Variants in CD82 observed in about 807,000 individuals in gnomAD.
The protein encoded by CD82 is CD82 antigen.
In CD82, 36 loss-of-function variants were observed where a neutral mutation model predicts 37.4. The ratio of observed to expected loss-of-function variants is 0.96; its 90% CI spans 0.74 to 1.27. The LOEUF (loss-of-function observed/expected upper bound fraction) is 1.27. Among genes scored for constraint, CD82 ranks in the 50% most tolerant of loss-of-function variants. The probability of loss-of-function intolerance (pLI) is 0.00; values close to 1 mark genes in which losing one functional copy is unlikely to be tolerated. For synonymous variants in CD82, 158 were observed against 137.4 expected, an observed-to-expected ratio of 1.15 and a Z score of -1.05; for missense variants, 340 against 347.0, an observed-to-expected ratio of 0.98 and a Z score of 0.16.
At chr11:44,564,821 C>T (rs1057477061), upstream of CD82, among the ~76,000 whole-genome samples, 3 of 152,226 alleles carry the variant, frequency 2.0e-5, no homozygotes, top group Non-Finnish European at 4.4e-5. Flanking sequence ...AGGCTGGATC[C>T]CGCTCACGCC....
At chr11:44,603,489 CAG>C (rs1023743342) in intron 4 of CD82, among the ~76,000 whole-genome samples, 4 of 152,170 alleles carry the variant, frequency 2.6e-5, no homozygotes, top group African/African-American at 9.7e-5. Context: ...GGCTGTGCCT[CAG>C]TGCTTAGGGG....
At chr11:44,573,389 A>G (rs1395835482) in intron 1 of CD82, among the ~76,000 whole-genome samples, 1 of 152,206 alleles carries the variant, frequency 6.6e-6, no homozygotes, top group East Asian at 1.9e-4. Flanking sequence ...ATCATCGTAT[A>G]TAGAGGAAAT....
intron 1 of CD82, chr11:44,585,191 C>T (rs1179753555): frequency 4.4e-6 from 2 of 456,076 alleles, no homozygotes; most frequent in Admixed American, 4.7e-5. Flanking sequence ...GGAGCCTCTC[C>T]AGGATGGGCA....
intron 3 of CD82, chr11:44,596,739 G>C: frequency 8.1e-6 from 3 of 369,828 alleles, no homozygotes; most frequent in South Asian, 5.9e-5. Flanking sequence ...GGCTGGAGGA[G>C]GCAGAACGGG....
intron 1 of CD82, among the ~76,000 whole-genome samples, chr11:44,585,877 C>T (rs1853047130): frequency 6.6e-6 from 1 of 152,242 alleles, no homozygotes; most frequent in African/African-American, 2.4e-5. Context: ...CAAAGTTCTT[C>T]TCATGCACAG....
intron 1 of CD82, 159 bp downstream of exon 1, chr11:44,565,895 T>G (rs2134604668): frequency 6.6e-6 from 1 of 152,378 alleles, no homozygotes; most frequent in East Asian, 1.9e-4. Flanking sequence ...CCACCAGTCC[T>G]GAACCCCCAG....
At chr11:44,576,775 C>T (rs1048583607) in intron 1 of CD82, among the ~76,000 whole-genome samples, 3 of 152,168 alleles carry the variant, frequency 2.0e-5, no homozygotes, top group Non-Finnish European at 4.4e-5. Context: ...ACTTATTCTC[C>T]GTCCCTCAAG....
At chr11:44,586,544 T>G (rs947863088) in intron 1 of CD82, among the ~76,000 whole-genome samples, 1 of 152,140 alleles carries the variant, frequency 6.6e-6, no homozygotes, top group Non-Finnish European at 1.5e-5. Context: ...TGGTCCCAAC[T>G]CTATGGGAGG....
At chr11:44,615,146 G>A in intron 6 of CD82, 126 bp from the exon 7 acceptor site, 1 of 665,630 alleles carries the variant, frequency 1.5e-6, no homozygotes, top group African/African-American at 1.8e-5. Flanking sequence ...CAGGAAAGTG[G>A]CTGGAGCCAT....
At chr11:44,589,567 G>C (rs376442931) in intron 2 of CD82, among the ~76,000 whole-genome samples, 1 of 152,174 alleles carries the variant, frequency 6.6e-6, no homozygotes, top group East Asian at 1.9e-4. Flanking sequence ...CCCCAGCTCC[G>C]GGTCATTGAG....
chr11:44,613,333 T>C (rs777099386), intron 6 of CD82, among the ~76,000 whole-genome samples: 1 of 152,314 alleles, frequency 6.6e-6, no homozygotes, highest in Non-Finnish European at 1.5e-5. Flanking sequence ...CAGGCCTGCT[T>C]ATCGCCGAGG....
intron 2 of CD82, among the ~76,000 whole-genome samples, chr11:44,594,262 T>C (rs1451414530): frequency 6.6e-6 from 1 of 152,124 alleles, no homozygotes; most frequent in African/African-American, 2.4e-5. Flanking sequence ...GTCTCACCTC[T>C]GGGTCTCTGT....
intron 6 of CD82, 54 bp downstream of exon 6, chr11:44,605,483 T>C (rs1565092005): frequency 6.5e-7 from 1 of 1,533,990 alleles, no homozygotes; most frequent in South Asian, 1.1e-5. Context: ...ATGGGGGTGA[T>C]TGACTGAGTG....
intron 1 of CD82, chr11:44,573,061 T>A (rs60865046): frequency 0.36 from 54,470 of 152,192 alleles, 10,682 homozygotes; most frequent in African/African-American, 0.51. Context: ...TATGTGTCTC[T>A]AAGACGAACC....
At chr11:44,570,776 GGGCCACTCT>G (rs2134613903) in intron 1 of CD82, among the ~76,000 whole-genome samples, 1 of 152,314 alleles carries the variant, frequency 6.6e-6, no homozygotes, top group South Asian at 2.1e-4. Context: ...ACCCAGGAAG[GGGCCACTCT>G]GGCCTTTAGT....
chr11:44,571,683 T>C (rs972174411), intron 1 of CD82, among the ~76,000 whole-genome samples: 3 of 152,168 alleles, frequency 2.0e-5, no homozygotes, highest in Non-Finnish European at 2.9e-5. Context: ...CAAGTGATTC[T>C]CGTGTCTCAG....
chr11:44,615,705 A>T (rs997035934), intron 7 of CD82, among the ~76,000 whole-genome samples: 1 of 152,138 alleles, frequency 6.6e-6, no homozygotes, highest in African/African-American at 2.4e-5. Context: ...GCCAAGGCTG[A>T]TATGCTGAGA....
intron 1 of CD82, among the ~76,000 whole-genome samples, chr11:44,576,126 A>G (rs1852888510): frequency 2.6e-5 from 4 of 152,204 alleles, no homozygotes. Context: ...TCCAAGGTCT[A>G]GTGTTCTCCA....
At chr11:44,590,610 C>CAAAAAA (rs56665683) in intron 2 of CD82, among the ~76,000 whole-genome samples, 928 of 33,418 alleles carry the variant, frequency 0.028, 162 homozygotes, top group African/African-American at 0.089. Flanking sequence ...GATTCTGTCT[C>CAAAAAA]AAAAAAAAAA....
Sources: allele counts gnomAD v4.1 joint callset (sites outside exome capture counted in the v4.1 genomes callset), GRCh38; gene constraint gnomAD v4.1.1; transcripts MANE v1.5; gene names NCBI Gene and HGNC (gene_info 2026-07-23, HGNC 2026-07-21).